The following EYA2 variants were observed in gnomAD, a reference collection of about 807,000 sequenced individuals.
EYA2 encodes EYA transcriptional coactivator and phosphatase 2, also known as protein phosphatase EYA2.
Under a neutral mutation model 69.2 loss-of-function variants are expected in EYA2, and 31 were observed. The ratio of observed to expected loss-of-function variants is 0.45; its 90% confidence interval spans 0.34 to 0.60. EYA2 has a LOEUF of 0.60. EYA2 is among the 20% of genes least tolerant of loss of function. EYA2 has a pLI of 0.02. For missense variants in EYA2, 622 were observed against 701.2 expected (o/e 0.89, Z 1.28); for synonymous variants, 257 against 279.4 (o/e 0.92, Z 0.80).
chr20:46,945,565 C>T (rs1250599773), intron 1 of EYA2, among the ~76,000 whole-genome samples: 1 of 152,216 alleles, frequency 6.6e-6, no homozygotes, highest in East Asian at 1.9e-4. Context: ...AATGCTATTA[C>T]CAGAATCCAC....
At chr20:47,148,058 C>CAAAAAAAAAAAAAAAAAAAAAAA (rs1264883844) in intron 10 of EYA2, among the ~76,000 whole-genome samples, 9 of 82,836 alleles carry the variant, frequency 1.1e-4, no homozygotes, top group African/African-American at 3.9e-4. Flanking sequence ...GACTCTGTCT[C>CAAAAAAAAAAAAAAAAAAAAAAA]AAAAAAAAAA....
At chr20:46,945,271 TA>T (rs752846846) in intron 1 of EYA2, among the ~76,000 whole-genome samples, 1 of 152,212 alleles carries the variant, frequency 6.6e-6, no homozygotes, top group Non-Finnish European at 1.5e-5. Flanking sequence ...AGCTTTTGTA[TA>T]AAGTACTTAG....
At chr20:46,974,031 A>G (rs1980303328) in intron 1 of EYA2, among the ~76,000 whole-genome samples, 1 of 152,128 alleles carries the variant, frequency 6.6e-6, no homozygotes. Context: ...CTCTCAATCC[A>G]TCTCTGCTAC....
chr20:47,180,434 T>C (rs2073171), intron 13 of EYA2, among the ~76,000 whole-genome samples: 19,376 of 152,178 alleles, frequency 0.13, 3,522 homozygotes, highest in African/African-American at 0.39. Context: ...GGTTTCCAGG[T>C]TTCTGGATTC....
intron 9 of EYA2, among the ~76,000 whole-genome samples, chr20:47,137,368 A>G (rs1457654655): frequency 1.3e-5 from 2 of 152,250 alleles, no homozygotes; most frequent in Admixed American, 6.5e-5. Context: ...ACAATAACCA[A>G]TGCTTGTGGA....
chr20:46,941,360 T>C (rs1414508484), intron 1 of EYA2, among the ~76,000 whole-genome samples: 6 of 152,206 alleles, frequency 3.9e-5, no homozygotes, highest in African/African-American at 1.4e-4. Flanking sequence ...AGAACGAAAC[T>C]CCTAAGTCGA....
chr20:47,130,076 C>T (rs1238201364), intron 9 of EYA2, among the ~76,000 whole-genome samples: 3 of 151,196 alleles, frequency 2.0e-5, no homozygotes, highest in Admixed American at 1.3e-4. Context: ...GTCTGAGTCA[C>T]TGCCTTAGCT....
intron 9 of EYA2, among the ~76,000 whole-genome samples, chr20:47,120,152 G>C (rs1240483723): frequency 6.6e-6 from 1 of 152,174 alleles, no homozygotes; most frequent in Non-Finnish European, 1.5e-5. Context: ...AGGTTGCAGT[G>C]AGCCAAGATT....
At chr20:47,082,041 C>T (rs538040729) in intron 7 of EYA2, among the ~76,000 whole-genome samples, 2 of 151,714 alleles carry the variant, frequency 1.3e-5, no homozygotes, top group Non-Finnish European at 2.9e-5. Context: ...GGTTTTACCA[C>T]GTTGGTCAGG....
chr20:47,004,952 C>A lies in EYA2; in HGVS notation c.166C>A (p.Arg56Ser). The A allele has an allele frequency of 6.2e-7, 1 of 1,614,074 alleles. No individual in the cohort carries two copies. Among genetic ancestry groups the A allele is most frequent in the Non-Finnish European group, 8.5e-7 (1 of 1,179,984 alleles). ...CCTCTTTCCACACAGATCTTGCCCA[C>A]GTGTCCTCCCCCGCCAGCCTTCCAC... ...VSQLFSRSCP[R>S]VLPRQPSTAM... The change falls in exon 4 of 16, where the codon CGT (arginine) becomes AGT (serine). Residue 56 changes from arginine (R) to serine (S), a missense_variant. Arg to Ser is a moderately radical substitution (Grantham distance 110). Around this residue, in one of 2 missense-constraint regions of EYA2, gnomAD observed 365 missense variants for 349.7 expected, o/e 1.04. Transcript: ENST00000327619.
At chr20:47,142,476 G>A (rs2033616868) in intron 9 of EYA2, among the ~76,000 whole-genome samples, 1 of 152,224 alleles carries the variant, frequency 6.6e-6, no homozygotes, top group Non-Finnish European at 1.5e-5. Context: ...TTTGTATAAT[G>A]GCTGCCTAGT....
intron 9 of EYA2, among the ~76,000 whole-genome samples, chr20:47,114,289 G>A (rs1424339967): frequency 2.0e-5 from 3 of 152,172 alleles, no homozygotes; most frequent in African/African-American, 7.2e-5. Context: ...TAAGGGTGAC[G>A]TTTTTAGCCT....
At chr20:46,936,908 T>C (rs1985934910) in intron 1 of EYA2, among the ~76,000 whole-genome samples, 1 of 152,166 alleles carries the variant, frequency 6.6e-6, no homozygotes, top group South Asian at 2.1e-4. Context: ...AGCCCTTGTG[T>C]TCAAGCCCGC....
intron 1 of EYA2, among the ~76,000 whole-genome samples, chr20:46,915,866 G>C (rs1419365666): frequency 6.6e-6 from 1 of 152,028 alleles, no homozygotes; most frequent in Non-Finnish European, 1.5e-5. Context: ...CCCCGGACCT[G>C]GGGGCTCAAT....
At chr20:47,064,980 C>T (rs2031054859) in intron 5 of EYA2, among the ~76,000 whole-genome samples, 1 of 152,152 alleles carries the variant, frequency 6.6e-6, no homozygotes, top group Non-Finnish European at 1.5e-5. Context: ...CTGCGGAGGC[C>T]TCACAATCAT....
At chr20:46,981,903 T>C (rs1980856718) in intron 1 of EYA2, among the ~76,000 whole-genome samples, 1 of 101,024 alleles carries the variant, frequency 9.9e-6, no homozygotes, top group African/African-American at 8.4e-5. Flanking sequence ...GCATTTACTG[T>C]AACTAATGTA....
chr20:47,146,663 A>C (rs751550566), intron 10 of EYA2, among the ~76,000 whole-genome samples: 16 of 152,250 alleles, frequency 1.1e-4, no homozygotes, highest in Non-Finnish European at 2.1e-4. Context: ...TCTAAAGCAC[A>C]GCCTTCTGCA....
intron 5 of EYA2, among the ~76,000 whole-genome samples, chr20:47,066,814 A>G (rs1004988671): frequency 3.3e-5 from 5 of 152,292 alleles, no homozygotes; most frequent in East Asian, 3.9e-4. Flanking sequence ...TCACCTTAAG[A>G]GGATGTTTTT....
chr20:47,116,380 G>T (rs2032893171), intron 9 of EYA2, among the ~76,000 whole-genome samples: 2 of 152,112 alleles, frequency 1.3e-5, no homozygotes, highest in South Asian at 4.2e-4. Flanking sequence ...GTTTCACCAT[G>T]TTGGCCAGGC....
Sources: gnomAD v4.1 joint callset for allele counts (sites outside exome capture counted in the v4.1 genomes callset) on GRCh38, gnomAD v4.1.1 for gene constraint, gnomAD v4.1.1 regional missense constraint, MANE v1.5 for transcripts, NCBI Gene and HGNC (gene_info 2026-07-23, HGNC 2026-07-21) for gene names.